Variants in CSMD1 observed in about 807,000 individuals in gnomAD.
CSMD1 encodes the protein CUB and Sushi multiple domains 1.
CSMD1 carries 213 observed loss-of-function variants against 417.5 expected under a neutral mutation model. That is an observed-to-expected ratio of 0.51 (90% confidence interval 0.46 to 0.57). The LOEUF is 0.57. CSMD1 is among the 20% of genes least tolerant of loss of function. CSMD1 has a pLI of 0.00. For missense variants in CSMD1, 6,923 were observed against 4,529.7 expected, an observed-to-expected ratio of 1.53 and a Z score of -15.17; for synonymous variants, 2,862 against 1,736.8, an observed-to-expected ratio of 1.65 and a Z score of -16.11.
At chr8:4,576,219 C>G (rs1258633822) in intron 2 of CSMD1, among the ~76,000 whole-genome samples, 1 of 152,206 alleles carries the variant, frequency 6.6e-6, no homozygotes, top group Non-Finnish European at 1.5e-5. Flanking sequence ...CAGTCCCCAC[C>G]TCGTCTTCTG....
chr8:4,723,787 TAAAAAAAAAAAAACA>T (rs1347068642), intron 1 of CSMD1, among the ~76,000 whole-genome samples: 3 of 131,498 alleles, frequency 2.3e-5, no homozygotes, highest in African/African-American at 8.9e-5. Flanking sequence ...CTTTCGAATG[TAAAAAAAAAAAAACA>T]AAAAAAAAAC....
chr8:3,578,448 C>T (rs1190452692), intron 9 of CSMD1, among the ~76,000 whole-genome samples: 1 of 152,138 alleles, frequency 6.6e-6, no homozygotes, highest in East Asian at 1.9e-4. Flanking sequence ...AAAATCTCGG[C>T]AGTGCACGCA....
chr8:2,943,959 A>G (rs1438274249), intron 68 of CSMD1, among the ~76,000 whole-genome samples: 18 of 152,238 alleles, frequency 1.2e-4, no homozygotes, highest in Admixed American at 1.2e-3. Flanking sequence ...TCTTTAAATC[A>G]TTATTTGTAT....
At chr8:3,112,073 C>T (rs1816554954) in intron 42 of CSMD1, among the ~76,000 whole-genome samples, 1 of 151,970 alleles carries the variant, frequency 6.6e-6, no homozygotes, top group Non-Finnish European at 1.5e-5. Context: ...GCTCACAGAG[C>T]ACACGGCTCC....
At chr8:3,966,272 C>T (rs1008362109) in intron 5 of CSMD1, among the ~76,000 whole-genome samples, 1 of 152,120 alleles carries the variant, frequency 6.6e-6, no homozygotes, top group East Asian at 1.9e-4. Flanking sequence ...GATACTTAAA[C>T]TGAATGCAGA....
At chr8:3,227,642 A>C (rs1250367677) in intron 27 of CSMD1, among the ~76,000 whole-genome samples, 1 of 152,204 alleles carries the variant, frequency 6.6e-6, no homozygotes, top group African/African-American at 2.4e-5. Context: ...GTGCCTTCTA[A>C]AAAGATTTAG....
In CSMD1 at chr8:4,720,947, T is replaced by C. The variant is rs145872986; in HGVS notation, c.86-83389A>G. On this transcript the variant is annotated intron_variant, in intron 1 of 69. Transcript: ENST00000635120. ...TTTCGTGAATCTACAATTCACCAGC[T>C]CTTAAGCTTGCCCTGCCTACTTCAC... 9.2e-5 allele frequency among the ~76,000 whole-genome samples: 14 copies of C among 152,280 alleles called. No individual in the cohort carries two copies. In the East Asian group the frequency reaches 2.7e-3, roughly 29 times the overall value.
chr8:4,140,722 CTG>C (rs1376027233), intron 3 of CSMD1, among the ~76,000 whole-genome samples: 2 of 150,878 alleles, frequency 1.3e-5, no homozygotes, highest in Non-Finnish European at 2.9e-5. Flanking sequence ...TCTGGACAAT[CTG>C]TAAGTCTTCC....
chr8:4,354,835 C>A (rs1448186974), intron 3 of CSMD1, among the ~76,000 whole-genome samples: 1 of 148,696 alleles, frequency 6.7e-6, no homozygotes, highest in Non-Finnish European at 1.5e-5. Flanking sequence ...TCTGAGCTCT[C>A]ACTAGAGGGC....
chr8:3,957,606 C>T (rs1482496778), intron 5 of CSMD1, among the ~76,000 whole-genome samples: 1 of 152,044 alleles, frequency 6.6e-6, no homozygotes, highest in Non-Finnish European at 1.5e-5. Context: ...ATGGCTTGAT[C>T]TCAGGAGTTC....
rs377192039 is a variant in CSMD1, at chr8:4,489,086, AT to A, written c.303-69022del. On this transcript the variant is annotated intron_variant, in intron 2 of 69. Transcript: ENST00000635120. ...CCACCACACACAGCTAATTTTTTGT[AT>A]TTTTAGTAGAGACGGGGTTTCACCA... Among the ~76,000 whole-genome samples, 290 of 152,152 alleles carry A rather than the reference AT, an allele frequency of 1.9e-3. 6 individuals are homozygous for A. In the East Asian group the frequency reaches 0.05, roughly 26 times the overall value.
intron 5 of CSMD1, among the ~76,000 whole-genome samples, chr8:3,934,223 AT>A (rs1409040720): frequency 2.4e-4 from 36 of 152,334 alleles, no homozygotes; most frequent in African/African-American, 8.4e-4. Flanking sequence ...TACCTAATCA[AT>A]GATGAAAACT....
intron 33 of CSMD1, among the ~76,000 whole-genome samples, chr8:3,197,710 C>T (rs1312727319): frequency 5.3e-5 from 8 of 151,998 alleles, no homozygotes; most frequent in Admixed American, 3.9e-4. Context: ...GTGATCCGCC[C>T]GCCTCGGCCT....
chr8:4,356,728 A>G (rs2128904849), intron 3 of CSMD1, among the ~76,000 whole-genome samples: 1 of 152,222 alleles, frequency 6.6e-6, no homozygotes, highest in South Asian at 2.1e-4. Context: ...GGAGAGGTAC[A>G]GTGAGGGCAC....
intron 5 of CSMD1, among the ~76,000 whole-genome samples, chr8:3,943,229 T>G (rs756933549): frequency 1.3e-5 from 2 of 152,072 alleles, no homozygotes; most frequent in Non-Finnish European, 2.9e-5. Context: ...GATTTAACCT[T>G]TGTACAATCA....
chr8:3,082,732 T>C (rs959489661), intron 49 of CSMD1, among the ~76,000 whole-genome samples: 2 of 152,210 alleles, frequency 1.3e-5, no homozygotes, highest in African/African-American at 4.8e-5. Flanking sequence ...GCCTGTACTC[T>C]TGAATACAAA....
chr8:4,079,130 A>G (rs1373528141), intron 3 of CSMD1, among the ~76,000 whole-genome samples: 4 of 151,876 alleles, frequency 2.6e-5, no homozygotes, highest in African/African-American at 9.7e-5. Flanking sequence ...TTTTTATTCA[A>G]CTACTGGATC....
chr8:4,210,905 A>G (rs1468894150), intron 3 of CSMD1, among the ~76,000 whole-genome samples: 1 of 152,148 alleles, frequency 6.6e-6, no homozygotes, highest in Admixed American at 6.6e-5. Flanking sequence ...TCTATAAGAA[A>G]TGGTTGACTT....
At chr8:3,068,763 G>C (rs914502308) in intron 49 of CSMD1, among the ~76,000 whole-genome samples, 2 of 152,136 alleles carry the variant, frequency 1.3e-5, no homozygotes, top group African/African-American at 4.8e-5. Context: ...TCACTATCAT[G>C]AAGACAGCAA....
Sources: gnomAD v4.1 joint callset for allele counts (sites outside exome capture counted in the v4.1 genomes callset) on GRCh38, gnomAD v4.1.1 for gene constraint, MANE v1.5 for transcripts, NCBI Gene and HGNC (gene_info 2026-07-23, HGNC 2026-07-21) for gene names.